CACNA1B: variants seen among roughly 807,000 people sequenced by gnomAD.
The protein encoded by CACNA1B is calcium voltage-gated channel subunit alpha1 B, also known as voltage-dependent N-type calcium channel subunit alpha-1B.
Under a neutral mutation model 247.2 loss-of-function variants are expected in CACNA1B, and 70 were observed. The ratio of observed to expected loss-of-function variants is 0.28; its 90% CI spans 0.23 to 0.35. The LOEUF (loss-of-function observed/expected upper bound fraction) is 0.35. Among genes scored for constraint, CACNA1B ranks in the 10% least tolerant of loss-of-function variants. The pLI, the probability that CACNA1B is intolerant of heterozygous loss-of-function variation, is 1.00. For missense variants in CACNA1B, 2,367 were observed against 3,197.4 expected (o/e 0.74, Z 6.26); for synonymous variants, 1,231 against 1,294.4 (o/e 0.95, Z 1.05).
At chr9:137,903,735 T>A (rs1168621115) in intron 3 of CACNA1B, among the ~76,000 whole-genome samples, 2 of 152,212 alleles carry the variant, frequency 1.3e-5, no homozygotes, top group African/African-American at 2.4e-5. Context: ...TGTATGAAAA[T>A]TTATTCAGCT....
rs544608386 is a variant in CACNA1B, at chr9:138,052,268, A to G, written c.3807+80A>G. 2.8e-5 allele frequency: 14 copies of G among 499,398 alleles called. No individual in the cohort carries two copies. In the South Asian group the frequency reaches 4.1e-4, roughly 15 times the overall value. The allele number at this position is 499,398 out of a possible 1,614,324, so 30.9% of individuals were successfully genotyped here. A position where few individuals can be genotyped will look rare whatever the true frequency, so the allele number is the denominator to read the frequency against. On this transcript the variant is annotated intron_variant, in intron 25 of 46. Coordinates refer to ENST00000371372, the MANE Select transcript of CACNA1B (RefSeq NM_000718.4). This position sits in a 1 kb window ranked among gnomAD's most constrained non-coding sequence, Gnocchi z 5.1. ...TGTGTGCGTGTGTGTGTGTGTATGC[A>G]TGCAGTGCATGAGTGTGTGTGTGTT...
intron 6 of CACNA1B, among the ~76,000 whole-genome samples, chr9:137,951,572 C>T (rs1308945024): frequency 6.6e-6 from 1 of 152,240 alleles, no homozygotes; most frequent in African/African-American, 2.4e-5. Context: ...AAGAGGTTCT[C>T]TACACCCCTT....
rs1007236309 is a variant in CACNA1B at position 138,007,696 on chromosome 9, G to C, written c.2092+812G>C. On this transcript the variant is annotated intron_variant, in intron 16 of 46. Transcript: ENST00000371372. The surrounding 1 kb of genome is among the most constrained non-coding windows in gnomAD (Gnocchi z 4.1). ...AGAATGTGCATTCTCACAGGCTGCA[G>C]GGGGAGCCCGTGTTTCTGTTCTGGG... 6.6e-6 allele frequency among the ~76,000 whole-genome samples: 1 copy of C among 152,164 alleles called. No individual in the cohort carries two copies. The highest frequency in any genetic ancestry group is 2.4e-5 in the African/African-American group (1 of 41,426).
chr9:138,044,816 C>G (rs1437248515), intron 21 of CACNA1B, among the ~76,000 whole-genome samples: 1 of 152,226 alleles, frequency 6.6e-6, no homozygotes, highest in Non-Finnish European at 1.5e-5. Context: ...CCTGCATTAC[C>G]CCGCTCCCTG....
At chr9:138,099,694 G>T (rs962636309) in intron 37 of CACNA1B, among the ~76,000 whole-genome samples, 1 of 151,566 alleles carries the variant, frequency 6.6e-6, no homozygotes, top group Non-Finnish European at 1.5e-5. Context: ...GTGCATGTGT[G>T]TGCCTGTGGG....
At chr9:137,960,177 AGG>A (rs2133349457) in intron 10 of CACNA1B, among the ~76,000 whole-genome samples, 1 of 36,690 alleles carries the variant, frequency 2.7e-5, no homozygotes, top group Non-Finnish European at 5.3e-5. Flanking sequence ...TGTGGCGGGG[AGG>A]GAAAGTTGGC....
chr9:138,052,927 G>A lies in CACNA1B; in HGVS notation c.3807+739G>A, dbSNP rs531229200. On this transcript the variant is annotated intron_variant, in intron 25 of 46. Transcript: ENST00000371372. The surrounding 1 kb of genome is among the most constrained non-coding windows in gnomAD (Gnocchi z 5.1). ...GAGACGGTTGTGGCCCCACCTTCCC[G>A]TCACAGCTAGATCAGAGCAGCCTGT... Among the ~76,000 whole-genome samples, 19 of 152,130 alleles carry A rather than the reference G, an allele frequency of 1.2e-4. No individual in the cohort carries two copies. Among genetic ancestry groups the A allele is most frequent in the Non-Finnish European group, 2.1e-4 (14 of 68,028 alleles).
chr9:137,951,917 G>A (rs887297806), intron 6 of CACNA1B, among the ~76,000 whole-genome samples: 2 of 152,218 alleles, frequency 1.3e-5, no homozygotes, highest in Non-Finnish European at 2.9e-5. Flanking sequence ...AGCCAGGGAG[G>A]TGTCTGGCAG....
At chr9:137,979,439 G>A (rs1180756022) in intron 12 of CACNA1B, among the ~76,000 whole-genome samples, 1 of 152,128 alleles carries the variant, frequency 6.6e-6, no homozygotes, top group Non-Finnish European at 1.5e-5. Flanking sequence ...AGAAGTTATA[G>A]AAACCCTGTC....
In CACNA1B at chr9:138,106,725, C is replaced by T. The variant is rs1961440841; in HGVS notation, c.5428+918C>T. On this transcript the variant is annotated intron_variant, in intron 39 of 46. Transcript: ENST00000371372. ...GTTGCAGTGAGCTGAGATTGTACCA[C>T]GGCACTCCAGCCTGGTGACAGAGCA... Among the ~76,000 whole-genome samples, 5 of 152,300 alleles carry T rather than the reference C, an allele frequency of 3.3e-5. No homozygotes were observed. In the South Asian group the frequency reaches 8.3e-4, roughly 25 times the overall value.
intron 6 of CACNA1B, among the ~76,000 whole-genome samples, chr9:137,949,959 C>T (rs1468705348): frequency 6.6e-6 from 1 of 152,184 alleles, no homozygotes; most frequent in African/African-American, 2.4e-5. Context: ...TGGTGCTCTT[C>T]TTGGTTCTTA....
At chr9:137,979,872 A>G (rs1056311667) in intron 12 of CACNA1B, among the ~76,000 whole-genome samples, 5 of 152,180 alleles carry the variant, frequency 3.3e-5, no homozygotes, top group African/African-American at 1.2e-4. Context: ...TAGGATGGGC[A>G]TAGGGTAACT....
chr9:138,090,701 C>CAAAAAAAAAAAA (rs1173964720), intron 36 of CACNA1B, among the ~76,000 whole-genome samples: 53 of 16,596 alleles, frequency 3.2e-3, no homozygotes, highest in Non-Finnish European at 3.5e-3. Flanking sequence ...AACCCATCAG[C>CAAAAAAAAAAAA]AAAAAAAAAA....
At chr9:138,103,469 C>T (rs902191956) in intron 38 of CACNA1B, among the ~76,000 whole-genome samples, 2 of 152,228 alleles carry the variant, frequency 1.3e-5, no homozygotes, top group East Asian at 1.9e-4. Context: ...GGGATGGCCT[C>T]GGGGCCCAGG....
Position 138,023,885 on chromosome 9 carries a change from G to A in CACNA1B, c.3068+74G>A. ...GGCGCGGGCCCCAGCGGTGGCTGCG[G>A]CCATGGGGTCCACGGCGGAGGCTGC... On this transcript the variant is annotated intron_variant, in intron 19 of 46. Coordinates refer to ENST00000371372, the MANE Select transcript of CACNA1B (RefSeq NM_000718.4). 4.0e-6 allele frequency: 3 copies of A among 755,044 alleles called. No homozygotes were observed. The South Asian group carries it at 4.5e-5, about 11-fold the overall frequency. The allele number at this position is 755,044 out of a possible 1,614,324, so 46.8% of individuals were successfully genotyped here. A position where few individuals can be genotyped will look rare whatever the true frequency, so the allele number is the denominator to read the frequency against.
At chr9:138,120,077 CTG>C in intron 44 of CACNA1B, 86 bp from the exon 45 acceptor site, 1 of 1,143,536 alleles carries the variant, frequency 8.7e-7, no homozygotes, top group South Asian at 1.5e-5. Flanking sequence ...GGCCTGCTGT[CTG>C]GCCTGCTCCA....
chr9:137,991,173 TA>T (rs1378220251), intron 15 of CACNA1B, among the ~76,000 whole-genome samples: 2 of 152,016 alleles, frequency 1.3e-5, no homozygotes, highest in African/African-American at 4.8e-5. Flanking sequence ...AAATTCAACT[TA>T]AAGAAATAAA....
chr9:138,047,054 G>T (rs371817462), intron 22 of CACNA1B, 21 bp downstream of exon 22: 1 of 1,594,744 alleles, frequency 6.3e-7, no homozygotes. Context: ...CGGATGGCCG[G>T]GTCCCCGCCA....
intron 38 of CACNA1B, among the ~76,000 whole-genome samples, chr9:138,103,040 C>G (rs1277375011): frequency 1.3e-5 from 2 of 152,146 alleles, no homozygotes; most frequent in Non-Finnish European, 2.9e-5. Flanking sequence ...GTCCCCACAA[C>G]CTGAGCTGCC....
Sources: gnomAD v4.1 joint callset for allele counts (sites outside exome capture counted in the v4.1 genomes callset) on GRCh38, gnomAD v4.1.1 for gene constraint, Gnocchi (gnomAD v3.1) non-coding constraint, MANE v1.5 for transcripts, NCBI Gene and HGNC (gene_info 2026-07-23, HGNC 2026-07-21) for gene names.